The following LDLRAD3 variants were observed in gnomAD, a reference collection of about 807,000 sequenced individuals.
LDLRAD3 encodes the protein low-density lipoprotein receptor class A domain-containing protein 3.
A neutral mutation model predicts 29.4 loss-of-function variants in LDLRAD3; 20 were observed. The ratio of observed to expected loss-of-function variants is 0.68; its 90% CI spans 0.48 to 0.99. LDLRAD3 has a LOEUF of 0.99. LDLRAD3 is among the 50% of genes least tolerant of loss of function. LDLRAD3 has a pLI of 0.00. For synonymous variants in LDLRAD3, 157 were observed against 192.7 expected (o/e 0.81, Z 1.53); for missense variants, 420 against 454.3 (o/e 0.92, Z 0.69).
chr11:36,176,150 G>GTC (rs2133352987), intron 4 of LDLRAD3, among the ~76,000 whole-genome samples: 1 of 152,210 alleles, frequency 6.6e-6, no homozygotes, highest in East Asian at 1.9e-4. Flanking sequence ...TGCATAGACT[G>GTC]TCTTTTTCCA....
intron 1 of LDLRAD3, among the ~76,000 whole-genome samples, chr11:36,013,187 A>G (rs1851976420): frequency 1.3e-5 from 2 of 152,178 alleles, no homozygotes; most frequent in African/African-American, 4.8e-5. Flanking sequence ...GCAGTTGGGT[A>G]ATAATACATT....
chr11:35,962,340 G>T (rs1249497596), intron 1 of LDLRAD3, among the ~76,000 whole-genome samples: 1 of 150,604 alleles, frequency 6.6e-6, no homozygotes, highest in Non-Finnish European at 1.5e-5. Flanking sequence ...AGAATTCCAG[G>T]TATATTTTAG....
chr11:36,224,483 A>G (rs936986955), intron 4 of LDLRAD3, among the ~76,000 whole-genome samples: 9 of 152,342 alleles, frequency 5.9e-5, no homozygotes, highest in African/African-American at 2.2e-4. Flanking sequence ...CTCACTGAGA[A>G]CAGACAAAAC....
chr11:36,088,694 G>A (rs990400885), intron 3 of LDLRAD3, among the ~76,000 whole-genome samples: 7 of 152,142 alleles, frequency 4.6e-5, no homozygotes, highest in African/African-American at 1.7e-4. Context: ...GACTAGCCGA[G>A]CTAAAAGTGT....
At chr11:35,972,888 T>G (rs1851430879) in intron 1 of LDLRAD3, 2 of 151,918 alleles carry the variant, frequency 1.3e-5, no homozygotes, top group Admixed American at 1.3e-4. Context: ...CCGTCTCTAC[T>G]GAAAATACAA....
intron 4 of LDLRAD3, among the ~76,000 whole-genome samples, chr11:36,199,830 T>C (rs530383882): frequency 3.3e-5 from 5 of 152,304 alleles, no homozygotes; most frequent in South Asian, 2.1e-4. Flanking sequence ...CTAATAAAAC[T>C]GTGGAATGAT....
intron 4 of LDLRAD3, among the ~76,000 whole-genome samples, chr11:36,156,129 T>C (rs1854347662): frequency 6.6e-6 from 1 of 152,188 alleles, no homozygotes; most frequent in Admixed American, 6.5e-5. Flanking sequence ...TCAGAAGTCC[T>C]TTGCTTTCGT....
chr11:36,203,686 TAAA>T (rs1311377733), intron 4 of LDLRAD3, among the ~76,000 whole-genome samples: 1 of 152,190 alleles, frequency 6.6e-6, no homozygotes, highest in Non-Finnish European at 1.5e-5. Flanking sequence ...AGCAAAGAGT[TAAA>T]GAAGTGTAGA....
chr11:36,066,582 C>A (rs1357948556), intron 2 of LDLRAD3, among the ~76,000 whole-genome samples: 1 of 152,286 alleles, frequency 6.6e-6, no homozygotes, highest in East Asian at 1.9e-4. Context: ...AATAAATAAC[C>A]TTTAAAAACC....
At chr11:36,096,450 G>A (rs1375250354) in intron 3 of LDLRAD3, among the ~76,000 whole-genome samples, 2 of 152,134 alleles carry the variant, frequency 1.3e-5, no homozygotes, top group African/African-American at 4.8e-5. Context: ...ACATGAATAT[G>A]GGTGCCAGCT....
chr11:36,154,917 C>T (rs931837789), intron 4 of LDLRAD3, among the ~76,000 whole-genome samples: 3 of 152,146 alleles, frequency 2.0e-5, no homozygotes, highest in Non-Finnish European at 4.4e-5. Flanking sequence ...AGGCCCAGTC[C>T]ATCTGTCTGT....
intron 2 of LDLRAD3, among the ~76,000 whole-genome samples, chr11:36,076,222 G>GTCCGTCCA (rs1554962926): frequency 0.024 from 3,544 of 145,490 alleles, 50 homozygotes; most frequent in Non-Finnish European, 0.033. Context: ...CTGTCCATCC[G>GTCCGTCCA]TCCATCCATC....
intron 2 of LDLRAD3, among the ~76,000 whole-genome samples, chr11:36,045,216 C>T (rs944800280): frequency 6.6e-6 from 1 of 152,226 alleles, no homozygotes; most frequent in Non-Finnish European, 1.5e-5. Context: ...TCCAGGTTGT[C>T]AGGCTACACT....
intron 1 of LDLRAD3, chr11:35,997,380 G>A: frequency 8.8e-6 from 4 of 453,008 alleles, no homozygotes; most frequent in South Asian, 3.5e-5. Context: ...TTTCCATTGT[G>A]TTTAATGTTT....
At chr11:36,073,868 TC>T (rs1430731229) in intron 2 of LDLRAD3, among the ~76,000 whole-genome samples, 5 of 152,234 alleles carry the variant, frequency 3.3e-5, no homozygotes, top group Non-Finnish European at 7.3e-5. Flanking sequence ...GCTGGGCTGG[TC>T]CTTAGAGAAA....
chr11:36,076,913 C>T (rs1853020691), intron 2 of LDLRAD3, among the ~76,000 whole-genome samples: 1 of 151,784 alleles, frequency 6.6e-6, no homozygotes, highest in African/African-American at 2.4e-5. Flanking sequence ...TAGGCTGGTT[C>T]TTTTCTTCCC....
At chr11:36,225,213 T>G (rs1855482811) in intron 4 of LDLRAD3, among the ~76,000 whole-genome samples, 2 of 152,172 alleles carry the variant, frequency 1.3e-5, no homozygotes, top group South Asian at 4.1e-4. Context: ...CACTGAAACC[T>G]CCTCACTGCC....
At chr11:35,980,090 T>C (rs540033492) in intron 1 of LDLRAD3, among the ~76,000 whole-genome samples, 1 of 152,240 alleles carries the variant, frequency 6.6e-6, no homozygotes, top group Non-Finnish European at 1.5e-5. Context: ...ATGAGATTTA[T>C]AATGTGTTTA....
chr11:36,191,597 T>TACACAC (rs1369009943), intron 4 of LDLRAD3, among the ~76,000 whole-genome samples: 1 of 101,346 alleles, frequency 9.9e-6, no homozygotes, highest in African/African-American at 4.0e-5. Context: ...TATATATATA[T>TACACAC]ATACACACAC....
Sources: gnomAD v4.1 joint callset for allele counts (sites outside exome capture counted in the v4.1 genomes callset) on GRCh38, gnomAD v4.1.1 for gene constraint, MANE v1.5 for transcripts, NCBI Gene and HGNC (gene_info 2026-07-23, HGNC 2026-07-21) for gene names.